The following ICA1 variants were observed in gnomAD, a reference collection of about 807,000 sequenced individuals.
The protein encoded by ICA1 is 69 kDa islet cell autoantigen.
ICA1 carries 40 observed loss-of-function variants against 71.0 expected under a neutral mutation model. That is an observed-to-expected ratio of 0.56 (90% CI 0.44 to 0.73). The LOEUF is 0.73. ICA1 is among the 30% of genes least tolerant of loss of function. The pLI is 0.00. For synonymous variants in ICA1, 207 were observed against 209.5 expected (o/e 0.99, Z 0.10); for missense variants, 578 against 576.5 (o/e 1.00, Z -0.03).
At chr7:8,197,668 C>T (rs562026698) in intron 6 of ICA1, among the ~76,000 whole-genome samples, 83 of 150,896 alleles carry the variant, frequency 5.5e-4, no homozygotes, top group African/African-American at 1.9e-3. Flanking sequence ...TAGCTCTATT[C>T]AACCCTGAAA....
At chr7:8,148,958 G>A (rs1156249168) in intron 8 of ICA1, among the ~76,000 whole-genome samples, 1 of 152,154 alleles carries the variant, frequency 6.6e-6, no homozygotes, top group Non-Finnish European at 1.5e-5. Flanking sequence ...GATCACAAAC[G>A]CTCAACTCGG....
At chr7:8,135,893 T>G (rs552768223) in intron 12 of ICA1, among the ~76,000 whole-genome samples, 8 of 152,278 alleles carry the variant, frequency 5.3e-5, no homozygotes, top group Admixed American at 3.9e-4. Context: ...AACACCACTT[T>G]TTTGTTCAGG....
chr7:8,203,069 C>G (rs1790277067), intron 6 of ICA1, among the ~76,000 whole-genome samples: 1 of 152,288 alleles, frequency 6.6e-6, no homozygotes, highest in East Asian at 1.9e-4. Context: ...CATTCTAGCT[C>G]TTTCAGTTTT....
At chr7:8,119,981 T>G (rs914535607) in intron 13 of ICA1, among the ~76,000 whole-genome samples, 2 of 152,208 alleles carry the variant, frequency 1.3e-5, no homozygotes, top group Non-Finnish European at 2.9e-5. Context: ...AAGTATGGAT[T>G]TTTAAATATT....
At chr7:8,155,056 G>A (rs1267834113) in intron 8 of ICA1, among the ~76,000 whole-genome samples, 3 of 152,162 alleles carry the variant, frequency 2.0e-5, no homozygotes, top group Non-Finnish European at 4.4e-5. Flanking sequence ...AATGTGATAT[G>A]TCATCATTGA....
chr7:8,136,895 A>G (rs1793609023), intron 12 of ICA1, among the ~76,000 whole-genome samples: 1 of 152,216 alleles, frequency 6.6e-6, no homozygotes, highest in African/African-American at 2.4e-5. Context: ...ATTCCAACAT[A>G]TCTTGGCACA....
intron 1 of ICA1, among the ~76,000 whole-genome samples, chr7:8,253,681 T>C (rs533393128): frequency 1.3e-5 from 2 of 152,180 alleles, no homozygotes; most frequent in African/African-American, 2.4e-5. Flanking sequence ...AAACCTGGCA[T>C]GAGAAACCTG....
intron 12 of ICA1, among the ~76,000 whole-genome samples, chr7:8,129,184 G>T (rs1287269251): frequency 1.3e-5 from 2 of 152,110 alleles, no homozygotes; most frequent in African/African-American, 4.8e-5. Context: ...ATCAACTGTG[G>T]CTTTGTGGTG....
intron 12 of ICA1, among the ~76,000 whole-genome samples, chr7:8,133,329 C>T (rs937335460): frequency 1.3e-5 from 2 of 152,194 alleles, no homozygotes; most frequent in African/African-American, 4.8e-5. Context: ...GAGTCTCACT[C>T]TGTCATCCAG....
chr7:8,157,977 A>T (rs976369646), intron 7 of ICA1, among the ~76,000 whole-genome samples: 8 of 152,158 alleles, frequency 5.3e-5, no homozygotes, highest in Admixed American at 6.5e-5. Flanking sequence ...GGTGAGAGCC[A>T]CTGTGCCCAG....
At chr7:8,157,041 A>C in intron 8 of ICA1, 75 bp downstream of exon 8, 1 of 1,612,518 alleles carries the variant, frequency 6.2e-7, no homozygotes, top group South Asian at 1.1e-5. Context: ...TGCTTTCTGC[A>C]ATGGACTTTG....
chr7:8,196,057 A>T (rs183836811), intron 6 of ICA1, among the ~76,000 whole-genome samples: 1 of 152,182 alleles, frequency 6.6e-6, no homozygotes, highest in Non-Finnish European at 1.5e-5. Flanking sequence ...GAACCTATAC[A>T]TGAATGTTTA....
chr7:8,156,701 C>A, intron 8 of ICA1: 1 of 851,238 alleles, frequency 1.2e-6, no homozygotes, highest in Non-Finnish European at 1.7e-6. Flanking sequence ...AGGAGGACAC[C>A]TTCTCAAGTG....
In ICA1 at chr7:8,182,603, T is replaced by A. The variant is rs561520556; in HGVS notation, c.580-23951A>T. On this transcript the variant is annotated intron_variant, in intron 6 of 13. Coordinates refer to ENST00000402384, the MANE Select transcript of ICA1 (RefSeq NM_001136020.3). Reference sequence around the variant, plus strand: ...CCTAGTAGTTATCTTATGGGTGATATATTTCCTCTAAATTTTTATTGTTGA... The same window carrying A: ...CCTAGTAGTTATCTTATGGGTGATAAATTTCCTCTAAATTTTTATTGTTGA... 9.2e-5 allele frequency among the ~76,000 whole-genome samples: 14 copies of A among 152,304 alleles called. No homozygotes were observed. In the South Asian group the frequency reaches 2.9e-3, roughly 32 times the overall value.
At position 8,206,689 on chromosome 7, in the gene ICA1, C is replaced by T. The variant is rs535407837; in HGVS notation, c.579+11616G>A. Among the ~76,000 whole-genome samples the T allele has an allele frequency of 4.1e-4, 59 of 144,648 alleles. 3 individuals carry two copies. Among genetic ancestry groups the T allele is most frequent in the Middle Eastern group, 7.4e-3 (2 of 272 alleles). The allele number at this position is 144,648 out of a possible 152,430, so 94.9% of individuals were successfully genotyped here. On this transcript the variant is annotated intron_variant, in intron 6 of 13. Coordinates refer to ENST00000402384, the MANE Select transcript of ICA1 (RefSeq NM_001136020.3). ...TGCTTCCAGGCCCTGGAAGCACTTG[C>T]GGTTGCCAGCTTCTCCTGGATCTTT...
At chr7:8,180,111 C>T (rs1240323935) in intron 6 of ICA1, among the ~76,000 whole-genome samples, 3 of 152,022 alleles carry the variant, frequency 2.0e-5, no homozygotes, top group Non-Finnish European at 4.4e-5. Context: ...TATATACCCA[C>T]ATTAACCACC....
rs572075366 is a variant in ICA1 at position 8,185,409 on chromosome 7, T to C, written c.580-26757A>G. Among the ~76,000 whole-genome samples the C allele has an allele frequency of 2.8e-4, 43 of 152,258 alleles. No homozygotes were observed. The South Asian group carries it at 8.9e-3, about 32-fold the overall frequency. On this transcript the variant is annotated intron_variant, in intron 6 of 13. Transcript: ENST00000402384. The stretch of plus-strand genomic sequence containing the variant: ...ATCCATCCATCCACCCACCCACCAA[T>C]CCATTTATTCATCAACGAATGATTA...
chr7:8,232,890 T>C (rs1800697104), intron 2 of ICA1, 135 bp from the exon 3 acceptor site: 1 of 719,358 alleles, frequency 1.4e-6, no homozygotes, highest in Non-Finnish European at 2.1e-6. Flanking sequence ...ATGAGCACTT[T>C]CTTATCTGGG....
At chr7:8,238,638 T>A in intron 1 of ICA1, among the ~76,000 whole-genome samples, 1 of 152,192 alleles carries the variant, frequency 6.6e-6, no homozygotes, top group East Asian at 1.9e-4. Flanking sequence ...ACTATGACTT[T>A]TTAATTAATT....
Sources: gnomAD v4.1 joint callset for allele counts (sites outside exome capture counted in the v4.1 genomes callset) on GRCh38, gnomAD v4.1.1 for gene constraint, MANE v1.5 for transcripts, NCBI Gene and HGNC (gene_info 2026-07-23, HGNC 2026-07-21) for gene names.